Variants in UTRN observed in about 807,000 individuals in gnomAD.
UTRN encodes the protein dystrophin-related protein 1.
In UTRN, 283 loss-of-function variants were observed where a neutral mutation model predicts 463.9. The ratio of observed to expected loss-of-function variants is 0.61; its 90% CI spans 0.55 to 0.67. The LOEUF is 0.67. Ranked by LOEUF, UTRN falls within the 30% of genes least tolerant of loss-of-function variation. The pLI, the probability that UTRN is intolerant of heterozygous loss-of-function variation, is 0.00. For missense variants in UTRN, 3,922 were observed against 4,084.3 expected, an observed-to-expected ratio of 0.96 and a Z score of 1.08; for synonymous variants, 1,442 against 1,431.5, an observed-to-expected ratio of 1.01 and a Z score of -0.17.
intron 2 of UTRN, among the ~76,000 whole-genome samples, chr6:144,388,315 T>G (rs1781586298): frequency 6.6e-6 from 1 of 151,372 alleles, no homozygotes; most frequent in East Asian, 1.9e-4. Flanking sequence ...TTTTTTAACC[T>G]TTTGTGTTTT....
At chr6:144,629,133 T>C (rs1367941396) in intron 51 of UTRN, among the ~76,000 whole-genome samples, 1 of 152,228 alleles carries the variant, frequency 6.6e-6, no homozygotes, top group African/African-American at 2.4e-5. Flanking sequence ...CATACAAATC[T>C]TCATTGCTTA....
At chr6:144,831,587 A>G (rs1233485032) in intron 69 of UTRN, among the ~76,000 whole-genome samples, 1 of 152,196 alleles carries the variant, frequency 6.6e-6, no homozygotes, top group Non-Finnish European at 1.5e-5. Context: ...ATCTATTACA[A>G]TTAGATACAT....
At chr6:144,516,415 G>A (rs200915001) in intron 38 of UTRN, 28 bp downstream of exon 38, 3 of 1,590,036 alleles carry the variant, frequency 1.9e-6, no homozygotes, top group East Asian at 4.5e-5. Context: ...TCAAAACCAT[G>A]GTGGTCTCAT....
intron 51 of UTRN, among the ~76,000 whole-genome samples, chr6:144,616,025 T>C (rs1201886119): frequency 6.6e-6 from 1 of 152,156 alleles, no homozygotes; most frequent in East Asian, 1.9e-4. Context: ...ATACCAAGCC[T>C]TCCTACCACA....
At chr6:144,516,600 A>G (rs535534008) in intron 38 of UTRN, among the ~76,000 whole-genome samples, 108 of 152,008 alleles carry the variant, frequency 7.1e-4, no homozygotes, top group Non-Finnish European at 1.2e-3. Context: ...AATCCTTAGT[A>G]TTATCTAATG....
rs181127150 is a variant in UTRN, at chr6:144,470,182, C to T, written c.3067-3538C>T. 4.6e-3 allele frequency among the ~76,000 whole-genome samples: 697 copies of T among 152,316 alleles called. 3 individuals carry two copies. The highest frequency in any genetic ancestry group is 9.0e-3 in the Admixed American group (137 of 15,302). On this transcript the variant is annotated intron_variant, in intron 23 of 74. Coordinates refer to ENST00000367545, the MANE Select transcript of UTRN (RefSeq NM_007124.3). ...CCCTTCTATTCCACAAAACTGCCATCGTCATCATGGCCCGTTCTCAATGAG... is the reference window on the plus strand; with the variant it reads ...CCCTTCTATTCCACAAAACTGCCATTGTCATCATGGCCCGTTCTCAATGAG...
chr6:144,585,276 G>A (rs1386012229), intron 51 of UTRN, among the ~76,000 whole-genome samples: 2 of 152,020 alleles, frequency 1.3e-5, no homozygotes, highest in Non-Finnish European at 2.9e-5. Context: ...TAGAATAAAT[G>A]TTACTTATTT....
At chr6:144,762,215 A>T (rs576157959) in intron 58 of UTRN, among the ~76,000 whole-genome samples, 1 of 152,328 alleles carries the variant, frequency 6.6e-6, no homozygotes, top group African/African-American at 2.4e-5. Context: ...TAGAAGAGCT[A>T]GTGTTCAAAC....
intron 2 of UTRN, among the ~76,000 whole-genome samples, chr6:144,370,590 C>T (rs575248973): frequency 6.6e-6 from 1 of 152,190 alleles, no homozygotes; most frequent in Non-Finnish European, 1.5e-5. Context: ...CACAGAATTC[C>T]CACTGGGGAA....
intron 58 of UTRN, among the ~76,000 whole-genome samples, chr6:144,765,518 A>G (rs1793202199): frequency 6.6e-6 from 1 of 152,122 alleles, no homozygotes; most frequent in Non-Finnish European, 1.5e-5. Flanking sequence ...GCCTCAAGTG[A>G]ACCTCCTGCC....
chr6:144,366,900 C>T (rs931457737), intron 2 of UTRN, among the ~76,000 whole-genome samples: 11 of 152,122 alleles, frequency 7.2e-5, no homozygotes, highest in African/African-American at 2.2e-4. Flanking sequence ...TCTGCCACTT[C>T]GCCAGTGCCT....
intron 2 of UTRN, among the ~76,000 whole-genome samples, chr6:144,301,418 A>G (rs76866941): frequency 0.03 from 4,628 of 151,884 alleles, 217 homozygotes; most frequent in African/African-American, 0.1. Flanking sequence ...GGTGTCAGAC[A>G]TACCTTATTC....
chr6:144,463,312 G>T (rs1789599857), intron 23 of UTRN, among the ~76,000 whole-genome samples: 1 of 152,108 alleles, frequency 6.6e-6, no homozygotes, highest in South Asian at 2.1e-4. Context: ...TGTCAGAGTG[G>T]GAAGGCAAAT....
Position 144,419,891 on chromosome 6 carries a change from A to G in UTRN, c.142-1987A>G, listed in dbSNP as rs544981482. On this transcript the variant is annotated intron_variant, in intron 3 of 74. Coordinates refer to ENST00000367545, the MANE Select transcript of UTRN (RefSeq NM_007124.3). ...ACTTCCACTGAATGGTAAGCTGTTG[A>G]GTGTGCAGAAATATGGAATCTTTAT... 1.2e-3 allele frequency among the ~76,000 whole-genome samples: 189 copies of G among 152,182 alleles called. 1 individual carries two copies. Among genetic ancestry groups the G allele is most frequent in the African/African-American group, 4.5e-3 (188 of 41,516 alleles).
In UTRN at chr6:144,514,664, G is replaced by C; in HGVS notation, c.5088G>C (p.Glu1696Asp). The C allele has an allele frequency of 6.2e-7, 1 of 1,613,922 alleles. No homozygotes were observed. The highest frequency in any genetic ancestry group is 1.7e-5 in the Admixed American group (1 of 59,960). Reference protein sequence around the residue: ...QEEIVKRLVSELDDANLQVEN... With the variant: ...QEEIVKRLVSDLDDANLQVEN... ...CTTATAATTAGCGTTTAGTATCTGA[G>C]CTGGATGATGCCAACCTCCAGGTTG... Residue 1696 changes from glutamate to aspartate, a missense_variant, in exon 37 of 75, where the codon GAG becomes GAC. Transcript: ENST00000367545.
chr6:144,684,096 C>G (rs1585991773), intron 52 of UTRN, among the ~76,000 whole-genome samples: 1 of 148,978 alleles, frequency 6.7e-6, no homozygotes, highest in African/African-American at 2.5e-5. Flanking sequence ...GTCGCCCAGG[C>G]TGGAGTGCAG....
At chr6:144,332,055 G>A (rs554326579) in intron 2 of UTRN, among the ~76,000 whole-genome samples, 26 of 152,214 alleles carry the variant, frequency 1.7e-4, no homozygotes, top group Admixed American at 3.3e-4. Flanking sequence ...CTGGAATACC[G>A]GCCCCCAGCT....
Position 144,824,608 on chromosome 6 carries a change from A to T in UTRN, c.9495-2740A>T, listed in dbSNP as rs371712427. On this transcript the variant is annotated intron_variant, in intron 66 of 74. Coordinates refer to ENST00000367545, the MANE Select transcript of UTRN (RefSeq NM_007124.3). Reference sequence around the variant, plus strand: ...TATATATATATATATATATATATATATATATCTTTTTTTTTTTTTTTTTTT... The same window carrying T: ...TATATATATATATATATATATATATTTATATCTTTTTTTTTTTTTTTTTTT... Among the ~76,000 whole-genome samples the T allele has an allele frequency of 7.0e-4, 31 of 44,520 alleles. 1 individual carries two copies. The highest frequency in any genetic ancestry group is 3.3e-3 in the East Asian group (3 of 912). The allele number at this position is 44,520 out of a possible 152,430, so 29.2% of individuals were successfully genotyped here. A position where few individuals can be genotyped will look rare whatever the true frequency, so the allele number is the denominator to read the frequency against.
intron 65 of UTRN, among the ~76,000 whole-genome samples, chr6:144,807,578 C>T (rs1174757335): frequency 6.6e-6 from 1 of 152,006 alleles, no homozygotes; most frequent in East Asian, 1.9e-4. Context: ...TATTTAATGC[C>T]TGTCATCATT....
Sources: allele counts gnomAD v4.1 joint callset (sites outside exome capture counted in the v4.1 genomes callset), GRCh38; gene constraint gnomAD v4.1.1; transcripts MANE v1.5; gene names NCBI Gene and HGNC (gene_info 2026-07-23, HGNC 2026-07-21).